Variants in PRKCB observed in about 807,000 individuals in gnomAD.
PRKCB encodes protein kinase C beta type.
Under a neutral mutation model 81.5 loss-of-function variants are expected in PRKCB, and 13 were observed. The ratio of observed to expected loss-of-function variants is 0.16; its 90% confidence interval spans 0.10 to 0.25. PRKCB has a LOEUF of 0.25. Ranked by LOEUF, PRKCB falls within the 10% of genes least tolerant of loss-of-function variation. PRKCB has a pLI of 1.00. For synonymous variants in PRKCB, 335 were observed against 321.4 expected (o/e 1.04, Z -0.45); for missense variants, 509 against 875.7 (o/e 0.58, Z 5.29).
At chr16:23,859,349 A>G (rs1433859000) in intron 2 of PRKCB, among the ~76,000 whole-genome samples, 1 of 152,162 alleles carries the variant, frequency 6.6e-6, no homozygotes, top group Non-Finnish European at 1.5e-5. Flanking sequence ...CCTCCTTTGT[A>G]TCTTTTCCAA....
In PRKCB at chr16:24,180,826, G is replaced by A; in HGVS notation, c.1431G>A (p.Glu477=). The change falls in exon 13 of 17, where the codon GAG becomes GAA. Residue 477 remains glutamate (E), a synonymous_variant. Transcript: ENST00000643927. The stretch of plus-strand genomic sequence containing the variant: ...TTGACAACGTGATGCTCGATTCTGA[G>A]GGACACATCAAGATTGCCGATTTTG... ...LKLDNVMLDS[E]GHIKIADFGM... The A allele has an allele frequency of 6.2e-7, 1 of 1,614,214 alleles. No homozygotes were observed. Among genetic ancestry groups the A allele is most frequent in the South Asian group, 1.1e-5 (1 of 91,088 alleles).
At chr16:24,196,142 A>G (rs564794511) in intron 16 of PRKCB, among the ~76,000 whole-genome samples, 11 of 152,292 alleles carry the variant, frequency 7.2e-5, no homozygotes, top group Admixed American at 5.2e-4. Context: ...CTTTTTGACT[A>G]CTTTAAGATT....
At chr16:23,924,221 C>T (rs1281588844) in intron 2 of PRKCB, among the ~76,000 whole-genome samples, 3 of 152,016 alleles carry the variant, frequency 2.0e-5, no homozygotes, top group Non-Finnish European at 2.9e-5. Flanking sequence ...TTCTCTCTCC[C>T]GTAGCCATGT....
chr16:24,013,025 AC>A, intron 3 of PRKCB, among the ~76,000 whole-genome samples: 1 of 152,324 alleles, frequency 6.6e-6, no homozygotes, highest in Non-Finnish European at 1.5e-5. Flanking sequence ...CCCATTCCAG[AC>A]CAACTAAGTC....
At chr16:23,843,418 C>T (rs969181688) in intron 2 of PRKCB, among the ~76,000 whole-genome samples, 1 of 152,072 alleles carries the variant, frequency 6.6e-6, no homozygotes, top group African/African-American at 2.4e-5. Flanking sequence ...TTTTTGACTT[C>T]GTGTTTGATG....
chr16:24,196,028 C>T (rs945291278), intron 16 of PRKCB, among the ~76,000 whole-genome samples: 3 of 152,214 alleles, frequency 2.0e-5, no homozygotes, highest in African/African-American at 4.8e-5. Context: ...AGTAGAACAT[C>T]AACCGCTCAG....
chr16:23,912,051 C>G (rs557786959), intron 2 of PRKCB, among the ~76,000 whole-genome samples: 1 of 151,482 alleles, frequency 6.6e-6, no homozygotes, highest in South Asian at 2.1e-4. Flanking sequence ...ACGCTAGTCT[C>G]GAACTCCTGA....
intron 5 of PRKCB, among the ~76,000 whole-genome samples, chr16:24,046,514 G>A (rs1965767375): frequency 6.6e-6 from 1 of 152,238 alleles, no homozygotes; most frequent in African/African-American, 2.4e-5. Context: ...TGATTAGCAG[G>A]GATAATGGCA....
At chr16:24,151,825 G>T (rs1286345473) in intron 9 of PRKCB, 2 of 455,898 alleles carry the variant, frequency 4.4e-6, no homozygotes, top group African/African-American at 2.0e-5. Context: ...TAATCTCCCT[G>T]AGCCTCAGTG....
chr16:23,902,280 C>A (rs1403859242), intron 2 of PRKCB, among the ~76,000 whole-genome samples: 4 of 152,090 alleles, frequency 2.6e-5, no homozygotes, highest in Non-Finnish European at 5.9e-5. Context: ...GAAAAAATAA[C>A]CTTTTAATTT....
At chr16:23,918,401 A>T (rs532382419) in intron 2 of PRKCB, among the ~76,000 whole-genome samples, 127 of 150,820 alleles carry the variant, frequency 8.4e-4, no homozygotes, top group Non-Finnish European at 1.5e-3. Flanking sequence ...TATTATTATT[A>T]TTTTTTTTTT....
chr16:23,958,899 G>T (rs1964387542), intron 2 of PRKCB, among the ~76,000 whole-genome samples: 2 of 152,082 alleles, frequency 1.3e-5, no homozygotes, highest in African/African-American at 4.8e-5. Context: ...GCGTAGTGGT[G>T]GTTCCGAGCC....
At chr16:24,146,083 T>C (rs569885327) in intron 9 of PRKCB, among the ~76,000 whole-genome samples, 2 of 152,196 alleles carry the variant, frequency 1.3e-5, no homozygotes, top group Non-Finnish European at 2.9e-5. Flanking sequence ...AGGCAGAGAT[T>C]GGAGTGATGC....
intron 9 of PRKCB, among the ~76,000 whole-genome samples, chr16:24,139,733 A>C (rs1340542294): frequency 2.0e-5 from 3 of 152,262 alleles, no homozygotes; most frequent in African/African-American, 7.2e-5. Context: ...TCTATCACAC[A>C]GATCCATGCT....
intron 11 of PRKCB, 58 bp downstream of exon 11, chr16:24,172,419 C>T: frequency 2.7e-6 from 4 of 1,471,516 alleles, no homozygotes; most frequent in Non-Finnish European, 2.8e-6. Context: ...GTTAGTGGTT[C>T]CTTTGAGGGT....
At chr16:24,212,365 T>C (rs957274612) in intron 16 of PRKCB, among the ~76,000 whole-genome samples, 1 of 143,112 alleles carries the variant, frequency 7.0e-6, no homozygotes, top group African/African-American at 2.6e-5. Flanking sequence ...TTTTTATTAC[T>C]CTTGTTATCT....
chr16:24,073,288 A>G (rs1966137219), intron 5 of PRKCB, among the ~76,000 whole-genome samples: 1 of 152,188 alleles, frequency 6.6e-6, no homozygotes, highest in South Asian at 2.1e-4. Flanking sequence ...ATGGCCTCCC[A>G]TTGCCCACCT....
intron 10 of PRKCB, among the ~76,000 whole-genome samples, chr16:24,155,386 T>C (rs1156989595): frequency 6.6e-6 from 1 of 152,180 alleles, no homozygotes; most frequent in Non-Finnish European, 1.5e-5. Flanking sequence ...GGAGCACTTG[T>C]CCATTTGTCC....
intron 5 of PRKCB, among the ~76,000 whole-genome samples, chr16:24,074,299 T>C (rs2141887269): frequency 6.6e-6 from 1 of 152,132 alleles, no homozygotes; most frequent in Admixed American, 6.5e-5. Flanking sequence ...TGCCTAAGAG[T>C]GCAGCCTTGG....
Sources: gnomAD v4.1 joint callset for allele counts (sites outside exome capture counted in the v4.1 genomes callset) on GRCh38, gnomAD v4.1.1 for gene constraint, MANE v1.5 for transcripts, NCBI Gene and HGNC (gene_info 2026-07-23, HGNC 2026-07-21) for gene names.